Variants in TMEM233 observed in about 807,000 individuals in gnomAD.
The protein encoded by TMEM233 is dispanin subfamily B member 2.
TMEM233 carries 6 observed loss-of-function variants against 11.2 expected under a neutral mutation model. The ratio of observed to expected loss-of-function variants is 0.54; its 90% CI spans 0.29 to 1.06. The LOEUF (loss-of-function observed/expected upper bound fraction) is 1.06. Among genes scored for constraint, TMEM233 ranks in the 50% least tolerant of loss-of-function variants. The pLI, the probability that TMEM233 is intolerant of heterozygous loss-of-function variation, is 0.08. For missense variants in TMEM233, 127 were observed against 144.7 expected, an observed-to-expected ratio of 0.88 and a Z score of 0.63; for synonymous variants, 59 against 55.8, an observed-to-expected ratio of 1.06 and a Z score of -0.26.
At chr12:119,612,216 A>G (rs1363607836) in intron 1 of TMEM233, among the ~76,000 whole-genome samples, 5 of 152,056 alleles carry the variant, frequency 3.3e-5, no homozygotes, top group Non-Finnish European at 1.5e-5. Flanking sequence ...GATAGTCTTA[A>G]TCTCCTGACC....
intron 2 of TMEM233, 92 bp downstream of exon 2, chr12:119,629,964 TAAC>T: frequency 7.3e-7 from 1 of 1,361,856 alleles, no homozygotes; most frequent in Non-Finnish European, 9.8e-7. Flanking sequence ...TATGCTCCAG[TAAC>T]AACCCCAAGC....
At position 119,640,856 on chromosome 12, in the gene TMEM233, G is replaced by T; in HGVS notation, c.*151G>T. 31 of 392,840 alleles carry T rather than the reference G, an allele frequency of 7.9e-5. No individual in the cohort carries two copies. The highest frequency in any genetic ancestry group is 1.2e-4 in the Admixed American group (2 of 16,118). The allele number at this position is 392,840 out of a possible 1,614,324, so 24.3% of individuals were successfully genotyped here. ...AGGCAGGTCCCTGGCAAATGAACAA[G>T]AAAAAAAAAAAAAAAAAGTCCAAAA... On this transcript the variant is annotated 3_prime_UTR_variant, in exon 3 of 3. Coordinates refer to ENST00000426426, the MANE Select transcript of TMEM233 (RefSeq NM_001136534.3).
rs1955103310 is a variant in TMEM233 at position 119,642,794 on chromosome 12, C to A, written c.*2089C>A. The A allele has an allele frequency of 1.5e-5, 1 of 68,718 alleles. No homozygotes were observed. The highest frequency in any genetic ancestry group is 3.2e-5 in the Non-Finnish European group (1 of 31,490). The allele number at this position is 68,718 out of a possible 1,614,324, so 4.3% of individuals were successfully genotyped here. Reference sequence around the variant, plus strand: ...TCAGCATTTTTTCATATACTGAACCCTAGCAAAAAAAAAAAAAATTCTGAT... The same window carrying A: ...TCAGCATTTTTTCATATACTGAACCATAGCAAAAAAAAAAAAAATTCTGAT... On this transcript the variant is annotated 3_prime_UTR_variant, in exon 3 of 3. Transcript: ENST00000426426.
At chr12:119,623,327 A>G (rs1954683600) in intron 1 of TMEM233, among the ~76,000 whole-genome samples, 1 of 152,222 alleles carries the variant, frequency 6.6e-6, no homozygotes, top group Non-Finnish European at 1.5e-5. Flanking sequence ...TGTGTTTTCC[A>G]AGGCAGCACA....
At chr12:119,600,923 A>G (rs1954150705) in intron 1 of TMEM233, among the ~76,000 whole-genome samples, 1 of 150,524 alleles carries the variant, frequency 6.6e-6, no homozygotes, top group South Asian at 2.1e-4. Context: ...ATACTTAAAA[A>G]TAGTTAAAAT....
At chr12:119,629,237 C>G (rs2136771828) in intron 1 of TMEM233, among the ~76,000 whole-genome samples, 1 of 152,204 alleles carries the variant, frequency 6.6e-6, no homozygotes, top group Admixed American at 6.5e-5. Flanking sequence ...TGGTAAAACC[C>G]TGTCTCTACT....
At chr12:119,609,073 A>G (rs759468883) in intron 1 of TMEM233, among the ~76,000 whole-genome samples, 6 of 152,214 alleles carry the variant, frequency 3.9e-5, no homozygotes, top group Non-Finnish European at 8.8e-5. Context: ...AATGTGGGAA[A>G]GTTTGGAACT....
intron 1 of TMEM233, among the ~76,000 whole-genome samples, chr12:119,624,981 C>A (rs947479276): frequency 2.7e-5 from 4 of 150,220 alleles, no homozygotes; most frequent in Non-Finnish European, 5.9e-5. Context: ...CTAATGAACA[C>A]CCAAGCTGGA....
chr12:119,652,684 A>T, the TMEM233 span, among the ~76,000 whole-genome samples: 1,698 of 152,336 alleles, frequency 0.011, 34 homozygotes, highest in African/African-American at 0.039. Context: ...AAATCTGAAT[A>T]TAAACTCCCC....
chr12:119,644,473 CTTTTCT>C (rs1276018652), downstream of TMEM233, among the ~76,000 whole-genome samples: 1 of 139,930 alleles, frequency 7.1e-6, no homozygotes, highest in Non-Finnish European at 1.5e-5. Context: ...TTTTCTTTTT[CTTTTCT>C]TTTTTTTTTT....
chr12:119,629,129 G>T (rs1332242424), intron 1 of TMEM233, among the ~76,000 whole-genome samples: 2 of 152,226 alleles, frequency 1.3e-5, no homozygotes, highest in African/African-American at 4.8e-5. Context: ...AAGACAGAAG[G>T]CCGGGCGTGG....
At chr12:119,612,801 TCC>T (rs1954430149) in intron 1 of TMEM233, among the ~76,000 whole-genome samples, 1 of 150,560 alleles carries the variant, frequency 6.6e-6, no homozygotes, top group Admixed American at 6.6e-5. Context: ...GCGCCTGTAG[TCC>T]CAGCTACTTA....
At chr12:119,606,004 C>G (rs1210896645) in intron 1 of TMEM233, among the ~76,000 whole-genome samples, 2 of 152,168 alleles carry the variant, frequency 1.3e-5, no homozygotes, top group African/African-American at 4.8e-5. Context: ...ACCTTGTAGT[C>G]TGGAAGCCCA....
chr12:119,612,245 G>A (rs1030366982), intron 1 of TMEM233, among the ~76,000 whole-genome samples: 9 of 151,850 alleles, frequency 5.9e-5, no homozygotes, highest in South Asian at 4.1e-4. Context: ...CCCCCACCTC[G>A]CACTCCCAAA....
At chr12:119,649,416 A>C in the TMEM233 span, among the ~76,000 whole-genome samples, 1 of 152,230 alleles carries the variant, frequency 6.6e-6, no homozygotes, top group Non-Finnish European at 1.5e-5. Flanking sequence ...AGTGGAAAAA[A>C]TGGAGAAAGA....
At chr12:119,653,941 T>A in the TMEM233 span, among the ~76,000 whole-genome samples, 2 of 145,632 alleles carry the variant, frequency 1.4e-5, no homozygotes, top group Non-Finnish European at 3.0e-5. Context: ...CAAATGGTAT[T>A]AAAAATATCA....
At chr12:119,604,691 A>G (rs1954232028) in intron 1 of TMEM233, among the ~76,000 whole-genome samples, 1 of 152,116 alleles carries the variant, frequency 6.6e-6, no homozygotes, top group African/African-American at 2.4e-5. Context: ...ACTGGAGTGC[A>G]ATGGTGCAAT....
intron 1 of TMEM233, among the ~76,000 whole-genome samples, chr12:119,626,443 C>T (rs1451965107): frequency 7.2e-6 from 1 of 138,026 alleles, no homozygotes; most frequent in African/African-American, 2.7e-5. Context: ...GCACTCCAGC[C>T]TGGGAAACAA....
At chr12:119,645,931 A>T (rs1468295409), downstream of TMEM233, among the ~76,000 whole-genome samples, 1 of 152,214 alleles carries the variant, frequency 6.6e-6, no homozygotes, top group African/African-American at 2.4e-5. Flanking sequence ...AACTCATAAA[A>T]GGCCAAATTC....
Sources: gnomAD v4.1 joint callset for allele counts (sites outside exome capture counted in the v4.1 genomes callset) on GRCh38, gnomAD v4.1.1 for gene constraint, MANE v1.5 for transcripts, NCBI Gene and HGNC (gene_info 2026-07-23, HGNC 2026-07-21) for gene names.